The following CNTNAP2 variants were observed in gnomAD, a reference collection of about 807,000 sequenced individuals.
The protein encoded by CNTNAP2 is contactin associated protein 2, also known as contactin-associated protein-like 2.
Under a neutral mutation model 155.2 loss-of-function variants are expected in CNTNAP2, and 98 were observed. The ratio of observed to expected loss-of-function variants is 0.63; its 90% CI spans 0.54 to 0.75. The LOEUF is 0.75. Among genes scored for constraint, CNTNAP2 ranks in the 30% least tolerant of loss-of-function variants. CNTNAP2 has a pLI of 0.00. For missense variants in CNTNAP2, 1,727 were observed against 1,688.1 expected (o/e 1.02, Z -0.40); for synonymous variants, 651 against 631.2 (o/e 1.03, Z -0.47).
intron 3 of CNTNAP2, among the ~76,000 whole-genome samples, chr7:146,956,237 A>G (rs1342307090): frequency 1.3e-5 from 2 of 152,126 alleles, no homozygotes; most frequent in African/African-American, 2.4e-5. Context: ...ACCTTCAGAG[A>G]TATTCTGCAC....
At chr7:146,225,384 T>C (rs1388048902) in intron 1 of CNTNAP2, among the ~76,000 whole-genome samples, 1 of 152,204 alleles carries the variant, frequency 6.6e-6, no homozygotes, top group African/African-American at 2.4e-5. Context: ...GTTATTTTAC[T>C]ATATATAAAT....
At chr7:147,511,768 C>G (rs918684863) in intron 11 of CNTNAP2, among the ~76,000 whole-genome samples, 2 of 152,116 alleles carry the variant, frequency 1.3e-5, no homozygotes, top group South Asian at 4.1e-4. Context: ...AGACAAACCA[C>G]TATAGTAGCC....
intron 8 of CNTNAP2, among the ~76,000 whole-genome samples, chr7:147,189,890 G>A (rs982526855): frequency 6.6e-6 from 1 of 151,940 alleles, no homozygotes; most frequent in Non-Finnish European, 1.5e-5. Context: ...GACTACAGGT[G>A]CCCGCCACCA....
At chr7:147,114,088 G>A (rs994385482) in intron 5 of CNTNAP2, among the ~76,000 whole-genome samples, 1 of 152,150 alleles carries the variant, frequency 6.6e-6, no homozygotes, top group East Asian at 1.9e-4. Context: ...AGTCACTAAG[G>A]AGCAGGTTGT....
Position 146,158,198 on chromosome 7 carries a change from A to C in CNTNAP2, c.97+41225A>C, listed in dbSNP as rs182275406. Among the ~76,000 whole-genome samples the C allele has an allele frequency of 2.4e-4, 37 of 152,280 alleles. No individual in the cohort carries two copies. In the East Asian group the frequency reaches 6.6e-3, roughly 27 times the overall value. On this transcript the variant is annotated intron_variant, in intron 1 of 23. Coordinates refer to ENST00000361727, the MANE Select transcript of CNTNAP2 (RefSeq NM_014141.6). The stretch of plus-strand genomic sequence containing the variant: ...CCTGACTGTTAGAAAGAAAAGTAAC[A>C]AACAGAAAGGACACCCACACCAAAA...
chr7:147,558,158 A>C (rs1246980879), intron 11 of CNTNAP2, among the ~76,000 whole-genome samples: 1 of 152,200 alleles, frequency 6.6e-6, no homozygotes, highest in African/African-American at 2.4e-5. Context: ...CCACAATATT[A>C]CTGCTGAAAA....
At chr7:147,698,169 G>C (rs1796188768) in intron 13 of CNTNAP2, among the ~76,000 whole-genome samples, 1 of 152,196 alleles carries the variant, frequency 6.6e-6, no homozygotes. Context: ...ATAGATTCAA[G>C]AAGAGTTGTA....
intron 1 of CNTNAP2, among the ~76,000 whole-genome samples, chr7:146,744,219 C>G (rs11773440): frequency 0.02 from 2,103 of 103,966 alleles, 29 homozygotes; most frequent in African/African-American, 0.066. Context: ...CAAAGTGACA[C>G]TCTGTCTCAA....
At chr7:146,669,809 T>C (rs1800268789) in intron 1 of CNTNAP2, among the ~76,000 whole-genome samples, 1 of 151,416 alleles carries the variant, frequency 6.6e-6, no homozygotes, top group Admixed American at 6.6e-5. Flanking sequence ...TTTTTTAAAC[T>C]TTAGTGTAAG....
chr7:147,953,336 T>C (rs1300513485), intron 14 of CNTNAP2, among the ~76,000 whole-genome samples: 1 of 152,180 alleles, frequency 6.6e-6, no homozygotes, highest in Non-Finnish European at 1.5e-5. Flanking sequence ...TGTAGTCAAA[T>C]AGTCTAAATT....
intron 8 of CNTNAP2, among the ~76,000 whole-genome samples, chr7:147,249,496 A>T (rs1804139018): frequency 6.6e-6 from 1 of 151,424 alleles, no homozygotes; most frequent in Non-Finnish European, 1.5e-5. Context: ...CCAAGTGCTA[A>T]CACCTTTGAA....
At chr7:146,780,124 A>T (rs1288853930) in intron 2 of CNTNAP2, among the ~76,000 whole-genome samples, 2 of 151,450 alleles carry the variant, frequency 1.3e-5, no homozygotes, top group Non-Finnish European at 2.9e-5. Flanking sequence ...ACGAATTTAC[A>T]CTCCTACCAA....
intron 17 of CNTNAP2, among the ~76,000 whole-genome samples, chr7:148,162,958 T>A (rs748423918): frequency 6.6e-5 from 10 of 152,190 alleles, no homozygotes; most frequent in Non-Finnish European, 1.2e-4. Flanking sequence ...CATGATTGCG[T>A]CACTGCACTC....
intron 10 of CNTNAP2, among the ~76,000 whole-genome samples, chr7:147,463,959 A>T (rs1003809048): frequency 9.6e-5 from 1 of 10,414 alleles, no homozygotes; most frequent in South Asian, 2.5e-3. Context: ...CCCCACTACT[A>T]AAAAAAAAAA....
intron 3 of CNTNAP2, among the ~76,000 whole-genome samples, chr7:146,942,709 C>A (rs1797080120): frequency 6.6e-6 from 1 of 152,086 alleles, no homozygotes; most frequent in Non-Finnish European, 1.5e-5. Flanking sequence ...AAATGAAATA[C>A]CACAATTACC....
At chr7:146,396,522 A>G (rs1315956083) in intron 1 of CNTNAP2, among the ~76,000 whole-genome samples, 2 of 151,986 alleles carry the variant, frequency 1.3e-5, no homozygotes, top group Admixed American at 6.6e-5. Context: ...TGATTTGGCA[A>G]TTATTAAAAA....
At position 148,349,410 on chromosome 7, in the gene CNTNAP2, T is replaced by TTTTC. The variant is rs1798385604; in HGVS notation, c.3476-34236_3476-34235insCTTT. Among the ~76,000 whole-genome samples the TTTTC allele has an allele frequency of 1.3e-5, 2 of 148,954 alleles. 1 individual carries two copies. Among genetic ancestry groups the TTTTC allele is most frequent in the African/African-American group, 4.9e-5 (2 of 40,444 alleles). On this transcript the variant is annotated intron_variant, in intron 21 of 23. Coordinates refer to ENST00000361727, the MANE Select transcript of CNTNAP2 (RefSeq NM_014141.6). ...AAAAATTGCAAAAAAAATCTCTCTT[T>TTTTC]TTTTTTTTTGAGACAGAGTCTCACT...
intron 2 of CNTNAP2, among the ~76,000 whole-genome samples, chr7:146,799,873 G>A (rs1286926220): frequency 6.6e-6 from 1 of 152,064 alleles, no homozygotes; most frequent in East Asian, 1.9e-4. Flanking sequence ...CAAGATCGAA[G>A]GAGTTTAATA....
chr7:146,511,153 C>T (rs1446989756), intron 1 of CNTNAP2, among the ~76,000 whole-genome samples: 2 of 152,164 alleles, frequency 1.3e-5, no homozygotes, highest in African/African-American at 4.8e-5. Context: ...CCTCCTCAGC[C>T]TCCCAAAGTG....
Sources: allele counts gnomAD v4.1 joint callset (sites outside exome capture counted in the v4.1 genomes callset), GRCh38; gene constraint gnomAD v4.1.1; transcripts MANE v1.5; gene names NCBI Gene and HGNC (gene_info 2026-07-23, HGNC 2026-07-21).